JAKMIP3: variants seen among roughly 807,000 people sequenced by gnomAD.
The protein encoded by JAKMIP3 is janus kinase and microtubule-interacting protein 3.
Under a neutral mutation model 118.5 loss-of-function variants are expected in JAKMIP3, and 58 were observed. The ratio of observed to expected loss-of-function variants is 0.49; its 90% confidence interval spans 0.40 to 0.61. The LOEUF (loss-of-function observed/expected upper bound fraction) is 0.61, where lower values mean the gene tolerates loss of function less well. Ranked by LOEUF, JAKMIP3 falls within the 20% of genes least tolerant of loss-of-function variation. The pLI is 0.00. For missense variants in JAKMIP3, 950 were observed against 1,109.0 expected (o/e 0.86, Z 2.04); for synonymous variants, 486 against 451.2 (o/e 1.08, Z -0.98).
Position 132,117,500 on chromosome 10 carries a change from C to A in JAKMIP3, c.559C>A (p.Arg187Ser). The A allele has an allele frequency of 6.2e-7, 1 of 1,611,022 alleles. No homozygotes were observed. Among genetic ancestry groups the A allele is most frequent in the South Asian group, 1.1e-5 (1 of 90,742 alleles). Residue 187 changes from arginine to serine, a missense_variant, in exon 3 of 24, where the codon CGC (arginine) becomes AGC (serine). Physicochemically the swap from Arg to Ser is moderately radical, Grantham distance 110. Coordinates refer to ENST00000684848, the MANE Select transcript of JAKMIP3 (RefSeq NM_001323087.2). The surrounding 1 kb of genome is among the most constrained non-coding windows in gnomAD (Gnocchi z 8.6). ...QADKIKAAEIRSVYHLHQEEI... is the reference protein window; with the variant it reads ...QADKIKAAEISSVYHLHQEEI... ...GGACAAGATCAAGGCCGCAGAGATC[C>A]GCAGCGTGTACCACCTGCACCAGGA...
In JAKMIP3 at chr10:132,180,604, CGTGTGTGTGTGCGTGTGT is replaced by C. The variant is rs1233656596; in HGVS notation, c.*1104-1749_*1104-1732del. Among the ~76,000 whole-genome samples, 10 of 11,984 alleles carry C rather than the reference CGTGTGTGTGTGCGTGTGT, an allele frequency of 8.3e-4. 4 individuals are homozygous for C. Among genetic ancestry groups the C allele is most frequent in the Non-Finnish European group, 1.4e-3 (10 of 7,014 alleles). The allele number at this position is 11,984 out of a possible 152,430, so 7.9% of individuals were successfully genotyped here. A position where few individuals can be genotyped will look rare whatever the true frequency, so the allele number is the denominator to read the frequency against. ...GCGTGCGCGTGTGTGTGTGCGTGCG[CGTGTGTGTGTGCGTGTGT>C]GTGCGTGTGTGCGTGCGTGTGTGCG... is the stretch of plus-strand genomic sequence containing the variant. On this transcript the variant is annotated intron_variant, in intron 23 of 23. Coordinates refer to ENST00000684848, the MANE Select transcript of JAKMIP3 (RefSeq NM_001323087.2).
Position 132,117,209 on chromosome 10 carries a change from G to A in JAKMIP3, c.268G>A (p.Val90Met). 5 of 1,614,028 alleles carry A rather than the reference G, an allele frequency of 3.1e-6. No homozygotes were observed. The highest frequency in any genetic ancestry group is 1.7e-5 in the Admixed American group (1 of 60,034). ...HEEKMKELQA[V>M]RETLLRQHEA... ...GGAGAAGATGAAGGAGCTACAGGCTGTGCGTGAGACGCTGCTGCGGCAGCA... is the reference window on the plus strand; with the variant it reads ...GGAGAAGATGAAGGAGCTACAGGCTATGCGTGAGACGCTGCTGCGGCAGCA... The change falls in exon 3 of 24, where the codon GTG becomes ATG. Residue 90 changes from valine to methionine, a missense_variant. Coordinates refer to ENST00000684848, the MANE Select transcript of JAKMIP3 (RefSeq NM_001323087.2). This position sits in a 1 kb window ranked among gnomAD's most constrained non-coding sequence, Gnocchi z 8.6.
At chr10:132,142,173 C>A in intron 11 of JAKMIP3, 125 bp downstream of exon 11, 1 of 1,015,018 alleles carries the variant, frequency 9.9e-7, no homozygotes. Flanking sequence ...CCTGCCCTTG[C>A]CTGCAGTCCT....
rs879348052 is a variant in JAKMIP3 at position 132,104,693 on chromosome 10, G to A, written c.-116G>A. The A allele has an allele frequency of 3.8e-6, 4 of 1,050,886 alleles. No homozygotes were observed. In the Admixed American group the frequency reaches 9.1e-5, roughly 24 times the overall value. The allele number at this position is 1,050,886 out of a possible 1,614,324, so 65.1% of individuals were successfully genotyped here. Reference sequence around the variant, plus strand: ...CCAGGTGAATGAGAAGATGTAGTGTGACAGCAGCCCGGGTGACACCTGCTG... The same window carrying A: ...CCAGGTGAATGAGAAGATGTAGTGTAACAGCAGCCCGGGTGACACCTGCTG... On this transcript the variant is annotated 5_prime_UTR_variant, in exon 2 of 24. Transcript: ENST00000684848.
chr10:132,059,669 T>A (rs921180131), intron 1 of JAKMIP3, among the ~76,000 whole-genome samples: 2 of 152,178 alleles, frequency 1.3e-5, no homozygotes, highest in African/African-American at 4.8e-5. Context: ...AGCAGGCGCT[T>A]AGTGGGGTGG....
rs184156885 is a variant in JAKMIP3 at position 132,097,042 on chromosome 10, G to T, written c.-137-7630G>T. ...CACAGGAGAGACGCCACGGCGAGGT[G>T]CTAGGGAAATGCAGACAGAAGCCAT... On this transcript the variant is annotated intron_variant, in intron 1 of 23. Coordinates refer to ENST00000684848, the MANE Select transcript of JAKMIP3 (RefSeq NM_001323087.2). 3.8e-3 allele frequency among the ~76,000 whole-genome samples: 577 copies of T among 152,338 alleles called. 1 individual carries two copies. Among genetic ancestry groups the T allele is most frequent in the African/African-American group, 0.013 (547 of 41,586 alleles).
rs1565018310 is a variant in JAKMIP3 at position 132,180,554 on chromosome 10, CATGCGTGTGTGT to C, written c.*1104-1802_*1104-1791del. Among the ~76,000 whole-genome samples the C allele has an allele frequency of 1.4e-3, 6 of 4,332 alleles. 3 individuals carry two copies. The highest frequency in any genetic ancestry group is 6.0e-3 in the African/African-American group (6 of 1,006). The allele number at this position is 4,332 out of a possible 152,430, so 2.8% of individuals were successfully genotyped here. On this transcript the variant is annotated intron_variant, in intron 23 of 23. Coordinates refer to ENST00000684848, the MANE Select transcript of JAKMIP3 (RefSeq NM_001323087.2). The stretch of plus-strand genomic sequence containing the variant: ...GTGTGTGTGTGTGTGTGCGTGCGTG[CATGCGTGTGTGT>C]GCGTGTGTGTGTGCGTGCGCGTGTG...
intron 23 of JAKMIP3, among the ~76,000 whole-genome samples, chr10:132,180,973 G>A (rs2061376876): frequency 6.6e-6 from 1 of 150,512 alleles, no homozygotes; most frequent in Non-Finnish European, 1.5e-5. Flanking sequence ...CGTATTGTGT[G>A]GGCATGTGTG....
chr10:132,046,316 C>T (rs1217038510), intron 1 of JAKMIP3, among the ~76,000 whole-genome samples: 2 of 152,156 alleles, frequency 1.3e-5, no homozygotes, highest in African/African-American at 4.8e-5. Flanking sequence ...AATAGCTGGG[C>T]GTGGTGGCGG....
At chr10:132,048,674 T>TTTTC (rs1210563320) in intron 1 of JAKMIP3, among the ~76,000 whole-genome samples, 1 of 148,838 alleles carries the variant, frequency 6.7e-6, no homozygotes, top group Non-Finnish European at 1.5e-5. Context: ...TTTCTTTTTT[T>TTTTC]TTTTTTTTGA....
rs569357359 is a variant in JAKMIP3 at position 132,118,736 on chromosome 10, C to G, written c.633+1162C>G. Among the ~76,000 whole-genome samples the G allele has an allele frequency of 1.3e-5, 2 of 152,352 alleles. No individual in the cohort carries two copies. Among genetic ancestry groups the G allele is most frequent in the South Asian group, 4.1e-4 (2 of 4,830 alleles). On this transcript the variant is annotated intron_variant, in intron 3 of 23. Coordinates refer to ENST00000684848, the MANE Select transcript of JAKMIP3 (RefSeq NM_001323087.2). The surrounding 1 kb of genome is among the most constrained non-coding windows in gnomAD (Gnocchi z 4.8). ...TCCAAAGTGGTCCCTGTTCCAACCTCCCCTACACCTCTTCGCCCTGTCCCA... is the reference window on the plus strand; with the variant it reads ...TCCAAAGTGGTCCCTGTTCCAACCTGCCCTACACCTCTTCGCCCTGTCCCA...
intron 23 of JAKMIP3, among the ~76,000 whole-genome samples, chr10:132,180,614 T>TGCGTGC (rs2060875612): frequency 3.2e-5 from 1 of 31,024 alleles, no homozygotes; most frequent in Non-Finnish European, 5.6e-5. Flanking sequence ...CGTGTGTGTG[T>TGCGTGC]GCGTGTGTGT....
intron 2 of JAKMIP3, among the ~76,000 whole-genome samples, chr10:132,108,151 A>C (rs1275703286): frequency 1.3e-5 from 2 of 152,108 alleles, no homozygotes; most frequent in Non-Finnish European, 2.9e-5. Flanking sequence ...AAATATTCTC[A>C]TCTCTGCCAG....
chr10:132,092,936 A>G (rs918432757), intron 1 of JAKMIP3, among the ~76,000 whole-genome samples: 2 of 152,030 alleles, frequency 1.3e-5, no homozygotes, highest in South Asian at 2.1e-4. Flanking sequence ...TGACGTACAG[A>G]TGGGGTTTTT....
intron 19 of JAKMIP3, among the ~76,000 whole-genome samples, chr10:132,157,768 G>C (rs1482827009): frequency 1.3e-5 from 2 of 152,050 alleles, no homozygotes; most frequent in Non-Finnish European, 2.9e-5. Flanking sequence ...CCAGCCCTTT[G>C]CCATCCATTG....
At chr10:132,178,025 G>C (rs911025966) in intron 23 of JAKMIP3, among the ~76,000 whole-genome samples, 2 of 152,232 alleles carry the variant, frequency 1.3e-5, no homozygotes, top group Non-Finnish European at 2.9e-5. Context: ...GCATTTGGTT[G>C]TGTGTGAACC....
intron 6 of JAKMIP3, 56 bp downstream of exon 6, chr10:132,136,132 T>C: frequency 6.4e-7 from 1 of 1,559,954 alleles, no homozygotes; most frequent in Non-Finnish European, 8.8e-7. Flanking sequence ...CCAGGCAGCA[T>C]CTCCTCCCTT....
At chr10:132,101,117 C>A (rs897626186) in intron 1 of JAKMIP3, among the ~76,000 whole-genome samples, 2 of 152,156 alleles carry the variant, frequency 1.3e-5, no homozygotes, top group African/African-American at 2.4e-5. Flanking sequence ...TGAATCTGTT[C>A]GGAGGAGCTG....
chr10:132,161,497 G>A (rs1240802713), intron 19 of JAKMIP3, among the ~76,000 whole-genome samples: 5 of 66,250 alleles, frequency 7.5e-5, no homozygotes, highest in Admixed American at 1.6e-4. Flanking sequence ...ATGCTGGGGG[G>A]GTCTCTTCCT....
Sources: allele counts gnomAD v4.1 joint callset (sites outside exome capture counted in the v4.1 genomes callset), GRCh38; gene constraint gnomAD v4.1.1; non-coding constraint Gnocchi (gnomAD v3.1); transcripts MANE v1.5; gene names NCBI Gene and HGNC (gene_info 2026-07-23, HGNC 2026-07-21).